MCPH1: variants seen among roughly 807,000 people sequenced by gnomAD.
MCPH1 encodes microcephalin.
MCPH1 carries 104 observed loss-of-function variants against 84.5 expected under a neutral mutation model. That is an observed-to-expected ratio of 1.23 (90% CI 1.05 to 1.45). The LOEUF (loss-of-function observed/expected upper bound fraction) is 1.45, where lower values mean the gene tolerates loss of function less well. Among genes scored for constraint, MCPH1 ranks in the 40% most tolerant of loss-of-function variants. The pLI is 0.00. For synonymous variants in MCPH1, 514 were observed against 366.8 expected (o/e 1.40, Z -4.58); for missense variants, 1,498 against 1,005.7 (o/e 1.49, Z -6.62).
intron 12 of MCPH1, among the ~76,000 whole-genome samples, chr8:6,568,261 AATGTGGACCCATCGCTAGCTGAAT>A (rs1826371093): frequency 8.6e-6 from 1 of 116,306 alleles, no homozygotes; most frequent in African/African-American, 4.7e-5. Flanking sequence ...CTGAATGTGG[AATGTGGACCCATCGCTAGCTGAAT>A]GTGGAATGTG....
chr8:6,636,196 C>T (rs976909571), intron 13 of MCPH1, among the ~76,000 whole-genome samples: 2 of 152,038 alleles, frequency 1.3e-5, no homozygotes, highest in East Asian at 1.9e-4. Flanking sequence ...AAAAATTAGC[C>T]GGGCGTGATG....
rs149466500 is a variant in MCPH1 at position 6,410,610 on chromosome 8, C to T, written c.114+1240C>T. 2.0e-3 allele frequency among the ~76,000 whole-genome samples: 308 copies of T among 152,262 alleles called. 2 individuals are homozygous for T. Among genetic ancestry groups the T allele is most frequent in the Middle Eastern group, 3.4e-3 (1 of 294 alleles). On this transcript the variant is annotated intron_variant, in intron 2 of 13. Transcript: ENST00000344683. ...ATACCAAATAGGTATCTTTTGCCCA[C>T]GCACACTAAACCGATCACTTTGATG... is the stretch of plus-strand genomic sequence containing the variant.
chr8:6,553,286 A>G (rs1017205156), intron 12 of MCPH1, among the ~76,000 whole-genome samples: 3 of 152,188 alleles, frequency 2.0e-5, no homozygotes, highest in African/African-American at 7.2e-5. Flanking sequence ...CTTTTAAAAA[A>G]TCATTTACTA....
chr8:6,495,223 A>G (rs1289719035), intron 11 of MCPH1, among the ~76,000 whole-genome samples: 1 of 152,206 alleles, frequency 6.6e-6, no homozygotes, highest in African/African-American at 2.4e-5. Context: ...CCTGAAGTTC[A>G]GTATAACCTA....
chr8:6,447,381 C>G, intron 8 of MCPH1: 4 of 985,282 alleles, frequency 4.1e-6, no homozygotes, highest in South Asian at 9.4e-5. Flanking sequence ...TCTTTAATGT[C>G]GAAATAAAGG....
chr8:6,451,507 A>G (rs1007646171), intron 8 of MCPH1, among the ~76,000 whole-genome samples: 2 of 152,242 alleles, frequency 1.3e-5, no homozygotes, highest in African/African-American at 2.4e-5. Flanking sequence ...TTGATATTGG[A>G]ATGACCTCTA....
intron 3 of MCPH1, among the ~76,000 whole-genome samples, chr8:6,423,117 G>A (rs1800482910): frequency 6.6e-6 from 1 of 151,172 alleles, no homozygotes; most frequent in Admixed American, 6.6e-5. Flanking sequence ...CACCGTGCCT[G>A]GCAAAAGCAC....
intron 12 of MCPH1, among the ~76,000 whole-genome samples, chr8:6,526,874 C>G (rs546910488): frequency 6.6e-6 from 1 of 152,170 alleles, no homozygotes; most frequent in African/African-American, 2.4e-5. Context: ...CCCACCTATC[C>G]CCTACAATTT....
intron 8 of MCPH1, among the ~76,000 whole-genome samples, chr8:6,454,274 T>G (rs1027509154): frequency 6.6e-6 from 1 of 152,204 alleles, no homozygotes; most frequent in Non-Finnish European, 1.5e-5. Context: ...GGTAGATGAT[T>G]AGCTATTTGT....
chr8:6,613,453 G>T (rs1254497714), intron 12 of MCPH1, among the ~76,000 whole-genome samples: 1 of 152,144 alleles, frequency 6.6e-6, no homozygotes, highest in Non-Finnish European at 1.5e-5. Flanking sequence ...TCACGGGGGG[G>T]TGGTGGGCTG....
intron 13 of MCPH1, 111 bp from the exon 14 acceptor site, chr8:6,642,883 G>A (rs1470471906): frequency 7.9e-6 from 8 of 1,009,844 alleles, no homozygotes; most frequent in Non-Finnish European, 1.2e-5. Context: ...GGACAACACA[G>A]CTCTTGGCTA....
intron 1 of MCPH1, 22 bp from the exon 2 acceptor site, chr8:6,409,257 C>T: frequency 1.3e-6 from 2 of 1,578,734 alleles, no homozygotes; most frequent in Non-Finnish European, 1.7e-6. Flanking sequence ...ATGTATGTTT[C>T]ATGTTCATAT....
intron 12 of MCPH1, among the ~76,000 whole-genome samples, chr8:6,548,225 C>T (rs559853594): frequency 9.8e-4 from 149 of 152,188 alleles, no homozygotes; most frequent in Non-Finnish European, 1.6e-3. Context: ...TTAGAACCTA[C>T]GTGAAGGCTT....
At chr8:6,419,603 C>T (rs998424255) in intron 3 of MCPH1, among the ~76,000 whole-genome samples, 17 of 150,840 alleles carry the variant, frequency 1.1e-4, no homozygotes, top group African/African-American at 3.7e-4. Context: ...GGGATTTTAC[C>T]GTGTTAGCCA....
chr8:6,538,675 G>A (rs192105439), intron 12 of MCPH1, among the ~76,000 whole-genome samples: 5 of 152,238 alleles, frequency 3.3e-5, no homozygotes, highest in East Asian at 3.9e-4. Flanking sequence ...AAAGATACTC[G>A]TTTTGTGTTT....
intron 13 of MCPH1, among the ~76,000 whole-genome samples, chr8:6,641,473 G>A (rs1797930848): frequency 6.6e-6 from 1 of 152,184 alleles, no homozygotes; most frequent in South Asian, 2.1e-4. Context: ...CAGGTGTGGT[G>A]GGTTATGTCT....
At chr8:6,466,438 G>A (rs1806958085) in intron 9 of MCPH1, among the ~76,000 whole-genome samples, 1 of 152,012 alleles carries the variant, frequency 6.6e-6, no homozygotes, top group African/African-American at 2.4e-5. Context: ...CTCCTGGGTA[G>A]CTGGGAGTAC....
chr8:6,487,350 T>G (rs1394486213), intron 11 of MCPH1, among the ~76,000 whole-genome samples: 1 of 152,200 alleles, frequency 6.6e-6, no homozygotes, highest in Non-Finnish European at 1.5e-5. Flanking sequence ...GAGCATAGAA[T>G]CAATGAACTG....
intron 3 of MCPH1, among the ~76,000 whole-genome samples, chr8:6,417,221 GTA>G (rs1485003344): frequency 6.6e-6 from 1 of 151,970 alleles, no homozygotes; most frequent in East Asian, 1.9e-4. Context: ...CTGATTAGCT[GTA>G]TATCTTTTTC....
Sources: allele counts gnomAD v4.1 joint callset (sites outside exome capture counted in the v4.1 genomes callset), GRCh38; gene constraint gnomAD v4.1.1; transcripts MANE v1.5; gene names NCBI Gene and HGNC (gene_info 2026-07-23, HGNC 2026-07-21).